SUGCT: variants seen among roughly 807,000 people sequenced by gnomAD.
SUGCT encodes succinyl-CoA:glutarate CoA-transferase.
Under a neutral mutation model 55.0 loss-of-function variants are expected in SUGCT, and 41 were observed. That is an observed-to-expected ratio of 0.74 (90% CI 0.58 to 0.97). The LOEUF is 0.97. Ranked by LOEUF, SUGCT falls within the 50% of genes least tolerant of loss-of-function variation. The probability of loss-of-function intolerance (pLI) is 0.00; values close to 1 mark genes in which losing one functional copy is unlikely to be tolerated. For synonymous variants in SUGCT, 187 were observed against 200.4 expected, an observed-to-expected ratio of 0.93 and a Z score of 0.56; for missense variants, 568 against 547.8, an observed-to-expected ratio of 1.04 and a Z score of -0.37.
At chr7:40,401,141 T>C (rs565603498) in intron 9 of SUGCT, among the ~76,000 whole-genome samples, 7 of 152,340 alleles carry the variant, frequency 4.6e-5, no homozygotes, top group African/African-American at 1.7e-4. Flanking sequence ...GAATAGCCTG[T>C]ATCTCATAAA....
intron 13 of SUGCT, among the ~76,000 whole-genome samples, chr7:40,801,278 T>C (rs1790802808): frequency 6.6e-6 from 1 of 152,206 alleles, no homozygotes; most frequent in African/African-American, 2.4e-5. Context: ...AAATGTCTGA[T>C]TCAGCAAGTC....
rs1260546603 is a variant in SUGCT at position 40,478,245 on chromosome 7, A to G, written c.987-18039A>G. Among the ~76,000 whole-genome samples the G allele has an allele frequency of 2.0e-5, 3 of 151,920 alleles. No homozygotes were observed. The East Asian group carries it at 5.8e-4, about 29-fold the overall frequency. ...TGTCTTGAACTCCTGGCCTCAAGTG[A>G]TCTTCCCTCCTCAGCCTCCCAAAGC... On this transcript the variant is annotated intron_variant, in intron 11 of 13. Transcript: ENST00000335693.
the SUGCT span, among the ~76,000 whole-genome samples, chr7:40,930,192 T>G: frequency 2.0e-5 from 3 of 152,140 alleles, no homozygotes; most frequent in Non-Finnish European, 4.4e-5. Flanking sequence ...TTTCCCCATT[T>G]CTTGTTTTTG....
Position 40,533,449 on chromosome 7 carries a change from A to G in SUGCT, c.1089+37063A>G, listed in dbSNP as rs547553989. ...TTATGCAGAAATATATAAATCCAAA[A>G]TCTTGTTTTATGTTTTTACAGTTTT... is the stretch of plus-strand genomic sequence containing the variant. On this transcript the variant is annotated intron_variant, in intron 12 of 13. Coordinates refer to ENST00000335693, the MANE Select transcript of SUGCT (RefSeq NM_001193313.2). Among the ~76,000 whole-genome samples the G allele has an allele frequency of 2.6e-5, 4 of 152,140 alleles. No individual in the cohort carries two copies. The East Asian group carries it at 7.7e-4, about 29-fold the overall frequency.
intron 12 of SUGCT, among the ~76,000 whole-genome samples, chr7:40,666,819 A>G (rs1179912273): frequency 1.3e-5 from 2 of 152,158 alleles, no homozygotes; most frequent in African/African-American, 2.4e-5. Flanking sequence ...AATATCAAGA[A>G]AGATGTTAAA....
chr7:40,867,787 G>A, the SUGCT span, among the ~76,000 whole-genome samples: 10 of 152,266 alleles, frequency 6.6e-5, no homozygotes, highest in South Asian at 4.2e-4. Flanking sequence ...AGAAGTGTTC[G>A]CTGCATGTTG....
intron 13 of SUGCT, among the ~76,000 whole-genome samples, chr7:40,806,169 G>A (rs1443244262): frequency 6.6e-6 from 1 of 152,156 alleles, no homozygotes. Context: ...ATAAGTTCCT[G>A]CTTTTAAAAA....
At chr7:40,851,767 C>G (rs1429706900) in intron 13 of SUGCT, among the ~76,000 whole-genome samples, 1 of 152,166 alleles carries the variant, frequency 6.6e-6, no homozygotes. Context: ...TATGGACTTT[C>G]TTTTAAAGAA....
intron 12 of SUGCT, among the ~76,000 whole-genome samples, chr7:40,726,992 CTA>C (rs1368040039): frequency 5.3e-5 from 8 of 152,216 alleles, no homozygotes; most frequent in African/African-American, 1.7e-4. Flanking sequence ...GCTAAAATGA[CTA>C]TGTATATTGT....
At chr7:40,378,910 C>T (rs1199421046) in intron 9 of SUGCT, among the ~76,000 whole-genome samples, 5 of 152,112 alleles carry the variant, frequency 3.3e-5, no homozygotes, top group African/African-American at 4.8e-5. Context: ...ATCATTGGAG[C>T]CTGGCTTATA....
the SUGCT span, among the ~76,000 whole-genome samples, chr7:41,032,923 C>T: frequency 6.6e-6 from 1 of 152,248 alleles, no homozygotes; most frequent in African/African-American, 2.4e-5. Context: ...GCCATCATGC[C>T]CAGCTAATTT....
At chr7:40,952,336 C>T in the SUGCT span, among the ~76,000 whole-genome samples, 1 of 151,964 alleles carries the variant, frequency 6.6e-6, no homozygotes, top group Non-Finnish European at 1.5e-5. Flanking sequence ...TTATTTTGAG[C>T]CTATGTGTGT....
At chr7:40,334,413 G>GT (rs1174232917) in intron 9 of SUGCT, among the ~76,000 whole-genome samples, 13 of 152,288 alleles carry the variant, frequency 8.5e-5, no homozygotes, top group African/African-American at 2.9e-4. Context: ...CCCAGCACCT[G>GT]TTGTTTCCTG....
At position 40,436,090 on chromosome 7, in the gene SUGCT, G is replaced by A. The variant is rs147901519; in HGVS notation, c.817-13197G>A. ...ACCTGAGTAGCCAGACTACAGGTGC[G>A]CGCCACCACCCCCAGCTAATTTTTG... On this transcript the variant is annotated intron_variant, in intron 9 of 13. Coordinates refer to ENST00000335693, the MANE Select transcript of SUGCT (RefSeq NM_001193313.2). 1.7e-4 allele frequency among the ~76,000 whole-genome samples: 26 copies of A among 151,574 alleles called. 1 individual carries two copies. The East Asian group carries it at 4.3e-3, about 25-fold the overall frequency.
the SUGCT span, among the ~76,000 whole-genome samples, chr7:40,959,675 A>G: frequency 2.0e-5 from 3 of 151,690 alleles, no homozygotes; most frequent in African/African-American, 7.3e-5. Context: ...GGCAGTGAGC[A>G]GCTCTGTCTT....
At chr7:40,384,783 G>A (rs1284449760) in intron 9 of SUGCT, among the ~76,000 whole-genome samples, 1 of 151,844 alleles carries the variant, frequency 6.6e-6, no homozygotes, top group Non-Finnish European at 1.5e-5. Context: ...GACCTCAAGT[G>A]ATCCGCGTGC....
the SUGCT span, among the ~76,000 whole-genome samples, chr7:41,014,896 T>C: frequency 3.9e-5 from 6 of 152,212 alleles, no homozygotes; most frequent in African/African-American, 1.4e-4. Context: ...GCTGGGGAAA[T>C]TGAGAATGAT....
At chr7:40,828,118 G>A (rs780789132) in intron 13 of SUGCT, among the ~76,000 whole-genome samples, 3 of 152,176 alleles carry the variant, frequency 2.0e-5, no homozygotes, top group Non-Finnish European at 4.4e-5. Flanking sequence ...AATAAAAGAG[G>A]TAATTGGAAC....
At chr7:40,973,626 A>G in the SUGCT span, among the ~76,000 whole-genome samples, 11 of 152,224 alleles carry the variant, frequency 7.2e-5, no homozygotes, top group African/African-American at 2.7e-4. Context: ...ACGCTGGTGC[A>G]TGCGTCCTGG....
Sources: gnomAD v4.1 joint callset for allele counts (sites outside exome capture counted in the v4.1 genomes callset) on GRCh38, gnomAD v4.1.1 for gene constraint, MANE v1.5 for transcripts, NCBI Gene and HGNC (gene_info 2026-07-23, HGNC 2026-07-21) for gene names.